FAM241A: variants seen among roughly 807,000 people sequenced by gnomAD.
FAM241A encodes uncharacterized protein FAM241A.
FAM241A carries 7 observed loss-of-function variants against 12.2 expected under a neutral mutation model. The ratio of observed to expected loss-of-function variants is 0.58; its 90% CI spans 0.33 to 1.08. The LOEUF is 1.08. Among genes scored for constraint, FAM241A ranks in the 50% least tolerant of loss-of-function variants. FAM241A has a pLI of 0.04. For synonymous variants in FAM241A, 74 were observed against 68.2 expected, an observed-to-expected ratio of 1.08 and a Z score of -0.42; for missense variants, 161 against 169.7, an observed-to-expected ratio of 0.95 and a Z score of 0.29.
At chr4:112,179,682 A>AT in intron 1 of FAM241A, among the ~76,000 whole-genome samples, 2 of 151,388 alleles carry the variant, frequency 1.3e-5, no homozygotes, top group Middle Eastern at 3.4e-3. Context: ...CGTTGTGCAC[A>AT]TGTACCCTAG....
At chr4:112,146,073 C>T (rs1009447872) in intron 1 of FAM241A, among the ~76,000 whole-genome samples, 1 of 152,190 alleles carries the variant, frequency 6.6e-6, no homozygotes, top group Non-Finnish European at 1.5e-5. Context: ...ATTTAAAAGC[C>T]TCACTTGTAA....
chr4:112,184,509 CAAGA>C (rs1724001848), intron 1 of FAM241A, among the ~76,000 whole-genome samples: 1 of 151,660 alleles, frequency 6.6e-6, no homozygotes, highest in South Asian at 2.1e-4. Flanking sequence ...GCCTGGGCAA[CAAGA>C]AAGAAACTGT....
Position 112,185,200 on chromosome 4 carries a change from A to T in FAM241A, c.154-1493A>T, listed in dbSNP as rs534214069. On this transcript the variant is annotated intron_variant, in intron 1 of 1. Transcript: ENST00000309733. ...TATTTAAATAAATTATAATTATCTCACCTACATGACAGTTTTTCTTTTGTG... is the reference window on the plus strand; with the variant it reads ...TATTTAAATAAATTATAATTATCTCTCCTACATGACAGTTTTTCTTTTGTG... 2.0e-5 allele frequency among the ~76,000 whole-genome samples: 3 copies of T among 152,180 alleles called. No individual in the cohort carries two copies. The South Asian group carries it at 6.2e-4, about 32-fold the overall frequency.
At chr4:112,150,232 A>G (rs1185222583) in intron 1 of FAM241A, among the ~76,000 whole-genome samples, 1 of 152,082 alleles carries the variant, frequency 6.6e-6, no homozygotes, top group African/African-American at 2.4e-5. Context: ...TTATAGTATT[A>G]AGGATTATAT....
chr4:112,145,616 C>A lies in FAM241A; in HGVS notation c.36C>A (p.Asp12Glu). The change falls in exon 1 of 2, where the codon GAC becomes GAA. Residue 12 changes from aspartate to glutamate, a missense_variant. Asp to Glu is a conservative substitution (Grantham distance 45, BLOSUM62 2). Coordinates refer to ENST00000309733, the MANE Select transcript of FAM241A (RefSeq NM_152400.3). ...CSAGELLRGGDGGERDEDGDA... is the reference protein window; with the variant it reads ...CSAGELLRGGEGGERDEDGDA... The stretch of plus-strand genomic sequence containing the variant: ...CCGGGGAGCTGCTGCGGGGCGGCGA[C>A]GGCGGGGAACGCGACGAGGACGGGG... 8.1e-7 allele frequency: 1 copy of A among 1,232,022 alleles called. No individual in the cohort carries two copies. The highest frequency in any genetic ancestry group is 1.0e-6 in the Non-Finnish European group (1 of 986,642). The allele number at this position is 1,232,022 out of a possible 1,614,324, so 76.3% of individuals were successfully genotyped here. A position where few individuals can be genotyped will look rare whatever the true frequency, so the allele number is the denominator to read the frequency against.
At chr4:112,160,721 G>A (rs1041484612) in intron 1 of FAM241A, among the ~76,000 whole-genome samples, 1 of 152,022 alleles carries the variant, frequency 6.6e-6, no homozygotes, top group African/African-American at 2.4e-5. Flanking sequence ...TAGACCAATG[G>A]AACAGAATAA....
chr4:112,167,109 G>A (rs142045805), intron 1 of FAM241A, among the ~76,000 whole-genome samples: 4,392 of 140,684 alleles, frequency 0.031, 203 homozygotes, highest in East Asian at 0.17. Context: ...GCGAGACTCC[G>A]TCTCAAAAAA....
intron 1 of FAM241A, among the ~76,000 whole-genome samples, chr4:112,174,859 GAAC>G (rs1041980685): frequency 3.3e-5 from 5 of 151,990 alleles, no homozygotes; most frequent in Admixed American, 3.3e-4. Flanking sequence ...GAAACCAATT[GAAC>G]AATAAACTAT....
chr4:112,156,335 A>G (rs1009383564), intron 1 of FAM241A, among the ~76,000 whole-genome samples: 2 of 152,106 alleles, frequency 1.3e-5, no homozygotes, highest in South Asian at 2.1e-4. Context: ...AGCTCTGACT[A>G]CTTTGTGGAA....
At position 112,165,529 on chromosome 4, in the gene FAM241A, TAAAG is replaced by T. The variant is rs376138876; in HGVS notation, c.153+19800_153+19803del. ...AATTGTCCATCAACAGATGAATGGA[TAAAG>T]AAAACGTGGTACTTATACCCAAGGG... is the stretch of plus-strand genomic sequence containing the variant. On this transcript the variant is annotated intron_variant, in intron 1 of 1. Transcript: ENST00000309733. Among the ~76,000 whole-genome samples the T allele has an allele frequency of 2.6e-4, 39 of 152,248 alleles. No homozygotes were observed. In the East Asian group the frequency reaches 7.5e-3, roughly 29 times the overall value.
At chr4:112,182,694 G>T (rs940103665) in intron 1 of FAM241A, among the ~76,000 whole-genome samples, 1 of 152,038 alleles carries the variant, frequency 6.6e-6, no homozygotes, top group Non-Finnish European at 1.5e-5. Flanking sequence ...TTTTGAGCTG[G>T]CTGTTAATAG....
chr4:112,150,763 G>A (rs1723231266), intron 1 of FAM241A, among the ~76,000 whole-genome samples: 1 of 152,240 alleles, frequency 6.6e-6, no homozygotes, highest in Admixed American at 6.5e-5. Flanking sequence ...CTTTAGGCAA[G>A]TAACTAACCT....
chr4:112,179,289 CAA>C (rs1322146115), intron 1 of FAM241A, among the ~76,000 whole-genome samples: 1 of 152,060 alleles, frequency 6.6e-6, no homozygotes, highest in East Asian at 1.9e-4. Flanking sequence ...CTCACAATAG[CAA>C]AGACTTGGAA....
At position 112,194,892 on chromosome 4, in the gene FAM241A, G is replaced by A. The variant is rs1724237538; in HGVS notation, c.*7954G>A. Reference sequence around the variant, plus strand: ...CCTCCCAGGTTTAAGCAATTCTCCTGTCTCAGCAGGAGTGGTTGGGATTAC... The same window carrying A: ...CCTCCCAGGTTTAAGCAATTCTCCTATCTCAGCAGGAGTGGTTGGGATTAC... On this transcript the variant is annotated 3_prime_UTR_variant, in exon 2 of 2. Coordinates refer to ENST00000309733, the MANE Select transcript of FAM241A (RefSeq NM_152400.3). 1 of 152,362 alleles carries A rather than the reference G, an allele frequency of 6.6e-6. No homozygotes were observed. Among genetic ancestry groups the A allele is most frequent in the Non-Finnish European group, 1.5e-5 (1 of 68,060 alleles). The allele number at this position is 152,362 out of a possible 1,614,324, so 9.4% of individuals were successfully genotyped here.
chr4:112,145,634 G>T lies in FAM241A; in HGVS notation c.54G>T (p.Glu18Asp). Residue 18 changes from glutamate (E) to aspartate (D), a missense_variant, in exon 1 of 2, where the codon GAG becomes GAT. Glu to Asp is a conservative substitution (Grantham distance 45). Transcript: ENST00000309733. ...GCGGCGACGGCGGGGAACGCGACGA[G>T]GACGGGGACGCGCTGGCGGAGCGGG... ...LRGGDGGERDEDGDALAEREA... is the reference protein window; with the variant it reads ...LRGGDGGERDDDGDALAEREA... 1 of 1,224,598 alleles carries T rather than the reference G, an allele frequency of 8.2e-7. No homozygotes were observed. The allele number at this position is 1,224,598 out of a possible 1,614,324, so 75.9% of individuals were successfully genotyped here. A position where few individuals can be genotyped will look rare whatever the true frequency, so the allele number is the denominator to read the frequency against.
At chr4:112,147,160 G>A (rs1723154966) in intron 1 of FAM241A, among the ~76,000 whole-genome samples, 1 of 152,072 alleles carries the variant, frequency 6.6e-6, no homozygotes, top group Non-Finnish European at 1.5e-5. Flanking sequence ...TAATAGTTGT[G>A]GTCTTTCCAA....
At chr4:112,155,377 G>A (rs1234078297) in intron 1 of FAM241A, among the ~76,000 whole-genome samples, 1 of 152,036 alleles carries the variant, frequency 6.6e-6, no homozygotes, top group East Asian at 1.9e-4. Context: ...CTAAGTTCTA[G>A]TTGATATTCT....
At position 112,194,083 on chromosome 4, in the gene FAM241A, C is replaced by G. The variant is rs1480919030; in HGVS notation, c.*7145C>G. On this transcript the variant is annotated 3_prime_UTR_variant, in exon 2 of 2. Coordinates refer to ENST00000309733, the MANE Select transcript of FAM241A (RefSeq NM_152400.3). The stretch of plus-strand genomic sequence containing the variant: ...CTTCACGTCCCTTGTAAGTTGGATT[C>G]CTAGGTATTTTGTTCTCTTTGAAGC... 4 of 137,466 alleles carry G rather than the reference C, an allele frequency of 2.9e-5. No homozygotes were observed. Among genetic ancestry groups the G allele is most frequent in the Admixed American group, 7.4e-5 (1 of 13,428 alleles). 8.5% of individuals were successfully genotyped at this position (137,466 alleles called of 1,614,324 possible). A position where few individuals can be genotyped will look rare whatever the true frequency, so the allele number is the denominator to read the frequency against.
intron 1 of FAM241A, among the ~76,000 whole-genome samples, chr4:112,160,710 A>G (rs531798114): frequency 1.3e-5 from 2 of 152,234 alleles, no homozygotes; most frequent in African/African-American, 4.8e-5. Context: ...AAACAGACAC[A>G]TAGACCAATG....
Sources: allele counts gnomAD v4.1 joint callset (sites outside exome capture counted in the v4.1 genomes callset), GRCh38; gene constraint gnomAD v4.1.1; transcripts MANE v1.5; gene names NCBI Gene and HGNC (gene_info 2026-07-23, HGNC 2026-07-21).